The following NKAIN2 variants were observed in gnomAD, a reference collection of about 807,000 sequenced individuals.
NKAIN2 encodes sodium/potassium-transporting ATPase subunit beta-1-interacting protein 2.
A neutral mutation model predicts 32.6 loss-of-function variants in NKAIN2; 14 were observed. The observed-to-expected ratio is 0.43, with a 90% confidence interval of 0.28 to 0.67. NKAIN2 has a LOEUF of 0.67. Among genes scored for constraint, NKAIN2 ranks in the 30% least tolerant of loss-of-function variants. The pLI is 0.17. For synonymous variants in NKAIN2, 80 were observed against 87.2 expected, an observed-to-expected ratio of 0.92 and a Z score of 0.46; for missense variants, 198 against 258.3, an observed-to-expected ratio of 0.77 and a Z score of 1.60.
At position 124,797,583 on chromosome 6, in the gene NKAIN2, T is replaced by A. The variant is rs1456568451; in HGVS notation, c.535+6184T>A. ...TGGGATAAAAGTCACAATCAATTTATTGAATCTTTCATTTGAAAAGAAAAC... is the reference window on the plus strand; with the variant it reads ...TGGGATAAAAGTCACAATCAATTTAATGAATCTTTCATTTGAAAAGAAAAC... On this transcript the variant is annotated intron_variant, in intron 5 of 6. Coordinates refer to ENST00000368417, the MANE Select transcript of NKAIN2 (RefSeq NM_001040214.3). 3.9e-5 allele frequency among the ~76,000 whole-genome samples: 6 copies of A among 152,356 alleles called. No homozygotes were observed. The East Asian group carries it at 7.7e-4, about 20-fold the overall frequency.
intron 1 of NKAIN2, among the ~76,000 whole-genome samples, chr6:124,243,157 C>G (rs578127928): frequency 6.6e-6 from 1 of 151,726 alleles, no homozygotes; most frequent in Admixed American, 6.6e-5. Context: ...AAAACAATCA[C>G]GACATGTTCT....
At chr6:124,700,379 G>A (rs928722861) in intron 4 of NKAIN2, among the ~76,000 whole-genome samples, 1 of 152,124 alleles carries the variant, frequency 6.6e-6, no homozygotes, top group Non-Finnish European at 1.5e-5. Flanking sequence ...AAAACTCAAA[G>A]TGTTGAGTTA....
Position 124,320,526 on chromosome 6 carries a change from A to G in NKAIN2, c.193-34741A>G, listed in dbSNP as rs531080883. Among the ~76,000 whole-genome samples, 11 of 152,298 alleles carry G rather than the reference A, an allele frequency of 7.2e-5. No individual in the cohort carries two copies. In the South Asian group the frequency reaches 8.3e-4, roughly 11 times the overall value. ...CCTTTATCCCCCAATACATATTTCA[A>G]TGTATCCAATCATTTATTCATTTCC... is the stretch of plus-strand genomic sequence containing the variant. On this transcript the variant is annotated intron_variant, in intron 2 of 6. Transcript: ENST00000368417.
At chr6:124,474,261 C>T (rs1777095763) in intron 3 of NKAIN2, among the ~76,000 whole-genome samples, 1 of 152,008 alleles carries the variant, frequency 6.6e-6, no homozygotes, top group Non-Finnish European at 1.5e-5. Flanking sequence ...GGCTTTTCCC[C>T]TTTGTAAGTG....
At chr6:124,099,283 C>T (rs542510875) in intron 1 of NKAIN2, among the ~76,000 whole-genome samples, 2 of 152,134 alleles carry the variant, frequency 1.3e-5, no homozygotes, top group Admixed American at 6.5e-5. Flanking sequence ...TATTATCTGC[C>T]TTTTTAATAT....
intron 4 of NKAIN2, among the ~76,000 whole-genome samples, chr6:124,727,173 C>T (rs1156429041): frequency 6.6e-6 from 1 of 150,968 alleles, no homozygotes. Context: ...TCTAGCAAGG[C>T]AGGCCAACGT....
At chr6:124,254,079 T>A (rs1045648354) in intron 1 of NKAIN2, among the ~76,000 whole-genome samples, 1 of 152,052 alleles carries the variant, frequency 6.6e-6, no homozygotes, top group African/African-American at 2.4e-5. Flanking sequence ...CCTCCCAAAG[T>A]ACTGTGGGGA....
intron 1 of NKAIN2, among the ~76,000 whole-genome samples, chr6:124,014,660 T>G (rs913637943): frequency 9.9e-5 from 15 of 152,032 alleles, no homozygotes; most frequent in Admixed American, 8.5e-4. Context: ...AAATATTTAC[T>G]TATTAAAATA....
chr6:124,408,909 T>C (rs896000655), intron 3 of NKAIN2, among the ~76,000 whole-genome samples: 3 of 152,216 alleles, frequency 2.0e-5, no homozygotes, highest in Admixed American at 2.0e-4. Context: ...AAGTGGTCTT[T>C]CACATCCCTT....
At chr6:124,468,241 G>A (rs1776838561) in intron 3 of NKAIN2, among the ~76,000 whole-genome samples, 1 of 152,024 alleles carries the variant, frequency 6.6e-6, no homozygotes. Context: ...AGATAAGTTA[G>A]ACCAGGGTGA....
intron 1 of NKAIN2, among the ~76,000 whole-genome samples, chr6:123,855,543 C>T (rs1291850293): frequency 2.0e-5 from 3 of 152,194 alleles, no homozygotes; most frequent in Non-Finnish European, 2.9e-5. Flanking sequence ...TGTCTCCATA[C>T]TTGTCAGAGC....
intron 3 of NKAIN2, among the ~76,000 whole-genome samples, chr6:124,522,743 G>C (rs933102652): frequency 1.3e-5 from 2 of 152,102 alleles, no homozygotes; most frequent in Non-Finnish European, 2.9e-5. Flanking sequence ...TAAAATAGAT[G>C]CTTCCACTTA....
At chr6:124,386,780 G>A (rs888673993) in intron 3 of NKAIN2, among the ~76,000 whole-genome samples, 1 of 152,098 alleles carries the variant, frequency 6.6e-6, no homozygotes, top group African/African-American at 2.4e-5. Flanking sequence ...TGCTGCTGCA[G>A]GCTTCATCTT....
chr6:123,847,507 A>G (rs1775141600), intron 1 of NKAIN2, among the ~76,000 whole-genome samples: 1 of 152,178 alleles, frequency 6.6e-6, no homozygotes, highest in Non-Finnish European at 1.5e-5. Flanking sequence ...AAAGAAGAAG[A>G]AATGGAAGAT....
chr6:123,853,028 A>C (rs1775414940), intron 1 of NKAIN2, among the ~76,000 whole-genome samples: 1 of 152,194 alleles, frequency 6.6e-6, no homozygotes, highest in South Asian at 2.1e-4. Context: ...CATCATGTTG[A>C]GTATCATCAT....
intron 1 of NKAIN2, among the ~76,000 whole-genome samples, chr6:123,874,941 CTATA>C (rs1453017637): frequency 1.3e-5 from 2 of 151,680 alleles, no homozygotes; most frequent in African/African-American, 4.8e-5. Context: ...GTACATACAC[CTATA>C]TAAAGGATAT....
chr6:124,558,763 C>A (rs1780572115), intron 3 of NKAIN2, among the ~76,000 whole-genome samples: 1 of 152,170 alleles, frequency 6.6e-6, no homozygotes, highest in African/African-American at 2.4e-5. Flanking sequence ...GCCTGGCTAA[C>A]ATGGTGAAAC....
At chr6:124,243,328 C>T (rs529053876) in intron 1 of NKAIN2, among the ~76,000 whole-genome samples, 1 of 151,978 alleles carries the variant, frequency 6.6e-6, no homozygotes, top group East Asian at 1.9e-4. Context: ...AACTCCATCT[C>T]TACTAAAAAC....
chr6:123,869,830 AAAGAT>A (rs1399108821), intron 1 of NKAIN2, among the ~76,000 whole-genome samples: 1 of 151,982 alleles, frequency 6.6e-6, no homozygotes, highest in East Asian at 2.0e-4. Flanking sequence ...TGGAGAAAGC[AAAGAT>A]AAGTTTACAA....
Sources: allele counts gnomAD v4.1 joint callset (sites outside exome capture counted in the v4.1 genomes callset), GRCh38; gene constraint gnomAD v4.1.1; transcripts MANE v1.5; gene names NCBI Gene and HGNC (gene_info 2026-07-23, HGNC 2026-07-21).